WASHC2A: variants seen among roughly 807,000 people sequenced by gnomAD.
WASHC2A encodes WASH complex subunit 2A.
WASHC2A carries 82 observed loss-of-function variants against 140.3 expected under a neutral mutation model. The ratio of observed to expected loss-of-function variants is 0.58; its 90% CI spans 0.49 to 0.70. The LOEUF (loss-of-function observed/expected upper bound fraction) is 0.70, where lower values mean the gene tolerates loss of function less well. WASHC2A is among the 30% of genes least tolerant of loss of function. WASHC2A has a pLI of 0.00. For synonymous variants in WASHC2A, 340 were observed against 560.8 expected, an observed-to-expected ratio of 0.61 and a Z score of 5.56; for missense variants, 985 against 1,521.8, an observed-to-expected ratio of 0.65 and a Z score of 5.87.
chr10:50,074,689 C>T lies in WASHC2A; in HGVS notation c.292-3986C>T, dbSNP rs1181518283. ...TAGCACTTTGGGAGGCCGAGGTGGG[C>T]GGATCACGAGGTCAGGAGATTGAGA... On this transcript the variant is annotated intron_variant, in intron 3 of 30. Transcript: ENST00000282633. 6.6e-5 allele frequency among the ~76,000 whole-genome samples: 10 copies of T among 152,012 alleles called. No homozygotes were observed. In the East Asian group the frequency reaches 9.7e-4, roughly 15 times the overall value.
rs1205277014 is a variant in WASHC2A at position 50,090,805 on chromosome 10, G to A, written c.762G>A (p.Glu254=). The A allele has an allele frequency of 6.2e-7, 1 of 1,611,356 alleles. No homozygotes were observed. The highest frequency in any genetic ancestry group is 1.3e-5 in the African/African-American group (1 of 74,734). The change falls in exon 9 of 31, where the codon GAG becomes GAA. Residue 254 remains glutamate, a synonymous_variant. Coordinates refer to ENST00000282633, the MANE Select transcript of WASHC2A (RefSeq NM_001005751.3). ...CCACACAAATGAGTGATGAGGAAGA[G>A]GATGATGATGGCTGTGACCTTTTCG... ...RHTTQMSDEE[E]DDDGCDLFAD...
At chr10:50,103,902 G>GT (rs1841494671) in intron 17 of WASHC2A, 140 bp from the exon 18 acceptor site, 1 of 820,886 alleles carries the variant, frequency 1.2e-6, no homozygotes, top group African/African-American at 1.7e-5. Flanking sequence ...TAAGGACTCT[G>GT]TCTGAGCCAC....
Position 50,133,396 on chromosome 10 carries a change from G to T in WASHC2A, c.*451G>T. On this transcript the variant is annotated 3_prime_UTR_variant, in exon 31 of 31. Transcript: ENST00000282633. ...ATGAGTCTTAGCAATATGGGAGCAGGTTTTCACTGAATTCTGAGGGTGCCT... is the reference window on the plus strand; with the variant it reads ...ATGAGTCTTAGCAATATGGGAGCAGTTTTTCACTGAATTCTGAGGGTGCCT... 2.1e-6 allele frequency: 1 copy of T among 472,762 alleles called. No homozygotes were observed. The highest frequency in any genetic ancestry group is 1.6e-5 in the South Asian group (1 of 64,512). The allele number at this position is 472,762 out of a possible 1,614,324, so 29.3% of individuals were successfully genotyped here.
chr10:50,092,908 C>T (rs1454437515), intron 11 of WASHC2A, among the ~76,000 whole-genome samples: 1 of 150,736 alleles, frequency 6.6e-6, no homozygotes, highest in Non-Finnish European at 1.5e-5. Context: ...TTTGCAGATC[C>T]CTTTGTTTAT....
chr10:50,083,148 G>A lies in WASHC2A; in HGVS notation c.529-924G>A, dbSNP rs1188954250. 1.8e-3 allele frequency among the ~76,000 whole-genome samples: 189 copies of A among 106,832 alleles called. 1 individual carries two copies. Among genetic ancestry groups the A allele is most frequent in the African/African-American group, 5.6e-3 (138 of 24,518 alleles). 70.1% of individuals were successfully genotyped at this position (106,832 alleles called of 152,430 possible). ...TGAGTAAATGGGATTATAGGTGTGC[G>A]CCACCACACCCAGCTAATTTTTAGT... On this transcript the variant is annotated intron_variant, in intron 5 of 30. Transcript: ENST00000282633.
At chr10:50,075,973 T>C (rs1838275024) in intron 3 of WASHC2A, among the ~76,000 whole-genome samples, 1 of 151,724 alleles carries the variant, frequency 6.6e-6, no homozygotes, top group Non-Finnish European at 1.5e-5. Context: ...GGAGTGCAAT[T>C]GTGCAATCTC....
At chr10:50,070,145 C>G (rs1554875729) in intron 3 of WASHC2A, among the ~76,000 whole-genome samples, 1 of 152,162 alleles carries the variant, frequency 6.6e-6, no homozygotes, top group African/African-American at 2.4e-5. Flanking sequence ...TTGCAATACT[C>G]TCAACTAAAG....
intron 26 of WASHC2A, 47 bp from the exon 27 acceptor site, chr10:50,127,113 C>A: frequency 6.2e-7 from 1 of 1,609,500 alleles, no homozygotes; most frequent in Non-Finnish European, 8.5e-7. Context: ...AAACACTTGT[C>A]TTTCTGTTTC....
intron 19 of WASHC2A, among the ~76,000 whole-genome samples, chr10:50,107,639 C>T (rs76454501): frequency 3.8e-4 from 57 of 151,912 alleles, no homozygotes; most frequent in African/African-American, 1.2e-3. Context: ...AAAGCTTATG[C>T]GGCCGGGCGT....
chr10:50,092,421 G>T (rs1470943528), intron 11 of WASHC2A, among the ~76,000 whole-genome samples, 188 bp downstream of exon 11: 6 of 152,208 alleles, frequency 3.9e-5, no homozygotes, highest in African/African-American at 1.2e-4. Context: ...GCTTTGGGAG[G>T]CCGAGGCGGG....
intron 28 of WASHC2A, among the ~76,000 whole-genome samples, chr10:50,128,030 T>G (rs1490539714): frequency 6.6e-6 from 1 of 151,526 alleles, no homozygotes; most frequent in Admixed American, 6.6e-5. Flanking sequence ...CACAGTAACG[T>G]CTCACCACTT....
At chr10:50,079,373 GTTATT>G (rs1165591685) in intron 4 of WASHC2A, among the ~76,000 whole-genome samples, 28 of 152,262 alleles carry the variant, frequency 1.8e-4, no homozygotes, top group African/African-American at 6.3e-4. Flanking sequence ...TTTAAAAAAA[GTTATT>G]TTATTTTATT....
In WASHC2A at chr10:50,069,635, C is replaced by A. The variant is rs1837616762; in HGVS notation, c.215C>A (p.Thr72Asn). ...KKQVDGLIRE[T>N]KATDCRLHNV... The stretch of plus-strand genomic sequence containing the variant: ...CAAGTGGACGGACTAATTCGGGAAA[C>A]CAAAGCCACAGATTGTCGCCTGCAT... Residue 72 changes from threonine (T) to asparagine (N), a missense_variant, in exon 3 of 31, where the codon ACC (threonine) becomes AAC (asparagine). By Grantham distance (65) the Thr-to-Asn change is moderately conservative. Transcript: ENST00000282633. The A allele has an allele frequency of 6.2e-7, 1 of 1,613,868 alleles. No homozygotes were observed. The highest frequency in any genetic ancestry group is 8.5e-7 in the Non-Finnish European group (1 of 1,179,878).
At chr10:50,120,618 CAAAAAAA>C (rs1161708139) in intron 23 of WASHC2A, among the ~76,000 whole-genome samples, 2 of 37,838 alleles carry the variant, frequency 5.3e-5, no homozygotes, top group Admixed American at 3.1e-4. Context: ...GACTCCATCT[CAAAAAAA>C]AAAAAAAAAA....
At chr10:50,090,515 A>ATATATATATATATTTAT (rs1554882430) in intron 8 of WASHC2A, among the ~76,000 whole-genome samples, 1 of 108,766 alleles carries the variant, frequency 9.2e-6, no homozygotes, top group Non-Finnish European at 1.9e-5. Context: ...AAAAAAAAAA[A>ATATATATATATATTTAT]ATATATATAT....
rs1840622511 is a variant in WASHC2A, at chr10:50,097,710, G to A, written c.1456G>A (p.Glu486Lys). 2.5e-6 allele frequency: 4 copies of A among 1,600,270 alleles called. No homozygotes were observed. The highest frequency in any genetic ancestry group is 1.1e-5 in the South Asian group (1 of 90,404). Reference protein sequence around the residue: ...VQSTADIFGDEEGDLFKEKAV... With the variant: ...VQSTADIFGDKEGDLFKEKAV... ...ATCCACTGCCGATATCTTTGGTGAC[G>A]AAGAAGGAGATCTGTTCAAAGAAAA... The change falls in exon 16 of 31, where the codon GAA becomes AAA. Residue 486 changes from glutamate to lysine, a missense_variant. Transcript: ENST00000282633.
At chr10:50,085,076 C>T (rs1201168479) in intron 6 of WASHC2A, among the ~76,000 whole-genome samples, 3 of 94,818 alleles carry the variant, frequency 3.2e-5, no homozygotes, top group African/African-American at 4.6e-5. Context: ...ATTATCCAAT[C>T]TGCTGCTATG....
At chr10:50,072,996 T>G (rs1838001551) in intron 3 of WASHC2A, among the ~76,000 whole-genome samples, 1 of 152,162 alleles carries the variant, frequency 6.6e-6, no homozygotes, top group Admixed American at 6.5e-5. Flanking sequence ...CCAGACTTTC[T>G]AGGGCGAGAA....
At position 50,126,101 on chromosome 10, in the gene WASHC2A, C is replaced by G; in HGVS notation, c.2733C>G (p.Asp911Glu). ...TAGTGAAAAAAGACCACTCTGTTGA[C>G]TCTTTCAAAAACCAGAAACATCCTG... is the stretch of plus-strand genomic sequence containing the variant. ...KRVVKKDHSVDSFKNQKHPES... is the reference protein window; with the variant it reads ...KRVVKKDHSVESFKNQKHPES... The change falls in exon 26 of 31, where the codon GAC becomes GAG. Residue 911 changes from aspartate to glutamate, a missense_variant. By Grantham distance (45) the Asp-to-Glu change is conservative. Transcript: ENST00000282633. 6.2e-7 allele frequency: 1 copy of G among 1,613,752 alleles called. No individual in the cohort carries two copies. The highest frequency in any genetic ancestry group is 1.3e-5 in the African/African-American group (1 of 74,952).
Sources: allele counts gnomAD v4.1 joint callset (sites outside exome capture counted in the v4.1 genomes callset), GRCh38; gene constraint gnomAD v4.1.1; transcripts MANE v1.5; gene names NCBI Gene and HGNC (gene_info 2026-07-23, HGNC 2026-07-21).